Variants in TACR3 observed in about 807,000 individuals in gnomAD.
The protein encoded by TACR3 is neuromedin-K receptor.
In TACR3, 34 loss-of-function variants were observed where a neutral mutation model predicts 35.0. That is an observed-to-expected ratio of 0.97 (90% CI 0.74 to 1.30). The LOEUF (loss-of-function observed/expected upper bound fraction) is 1.30, where lower values mean the gene tolerates loss of function less well. TACR3 is among the 50% of genes most tolerant of loss of function. The probability of loss-of-function intolerance (pLI) is 0.00; values close to 1 mark genes in which losing one functional copy is unlikely to be tolerated. For missense variants in TACR3, 558 were observed against 591.7 expected (o/e 0.94, Z 0.59); for synonymous variants, 233 against 221.1 (o/e 1.05, Z -0.48).
intron 1 of TACR3, among the ~76,000 whole-genome samples, chr4:103,698,925 A>G (rs1033192513): frequency 6.6e-6 from 1 of 152,176 alleles, no homozygotes; most frequent in African/African-American, 2.4e-5. Context: ...AATATGTATA[A>G]TTATTAGGTA....
intron 3 of TACR3, among the ~76,000 whole-genome samples, chr4:103,633,901 T>C (rs2110313839): frequency 6.6e-6 from 1 of 152,208 alleles, no homozygotes; most frequent in Non-Finnish European, 1.5e-5. Context: ...AAAGCAAGTC[T>C]TTCAAAATAG....
intron 1 of TACR3, among the ~76,000 whole-genome samples, chr4:103,687,145 C>A (rs1313954763): frequency 6.6e-6 from 1 of 151,978 alleles, no homozygotes; most frequent in Non-Finnish European, 1.5e-5. Context: ...AAGACAAAAA[C>A]CACATGATTA....
At chr4:103,635,776 G>C (rs1420382228) in intron 3 of TACR3, among the ~76,000 whole-genome samples, 1 of 112,852 alleles carries the variant, frequency 8.9e-6, no homozygotes, top group African/African-American at 6.1e-5. Context: ...GAATTTAGAG[G>C]TAGCTCTTAT....
At chr4:103,640,585 T>C (rs1725333569) in intron 3 of TACR3, among the ~76,000 whole-genome samples, 1 of 152,032 alleles carries the variant, frequency 6.6e-6, no homozygotes, top group Admixed American at 6.6e-5. Context: ...ATAAGATGTA[T>C]GGTTTACAAA....
chr4:103,595,712 C>CTT (rs201151369), intron 3 of TACR3, among the ~76,000 whole-genome samples: 1 of 146,162 alleles, frequency 6.8e-6, no homozygotes, highest in African/African-American at 2.5e-5. Context: ...GGGTCATATT[C>CTT]TTTTTTTTTT....
At chr4:103,672,435 C>T (rs906540931) in intron 1 of TACR3, among the ~76,000 whole-genome samples, 2 of 152,146 alleles carry the variant, frequency 1.3e-5, no homozygotes, top group African/African-American at 4.8e-5. Flanking sequence ...TGTCAGCAGA[C>T]ATGAAAACAA....
chr4:103,691,970 T>C (rs76186172), intron 1 of TACR3, among the ~76,000 whole-genome samples: 4 of 152,326 alleles, frequency 2.6e-5, no homozygotes, highest in Non-Finnish European at 5.9e-5. Flanking sequence ...CTCTCAGCTC[T>C]GAAGGCTGTG....
At position 103,640,004 on chromosome 4, in the gene TACR3, A is replaced by T. The variant is rs1725316221; in HGVS notation, c.888+16190T>A. On this transcript the variant is annotated intron_variant, in intron 3 of 4. Transcript: ENST00000304883. ...TTTATATTTGTTTCATGAATAGGGC[A>T]AAGTAAGTGAAGATTGGATTTGCAT... 2.0e-5 allele frequency among the ~76,000 whole-genome samples: 3 copies of T among 152,166 alleles called. No homozygotes were observed. The South Asian group carries it at 6.2e-4, about 32-fold the overall frequency.
chr4:103,665,843 A>G (rs1275903045), intron 1 of TACR3, among the ~76,000 whole-genome samples: 3 of 152,208 alleles, frequency 2.0e-5, no homozygotes, highest in Non-Finnish European at 4.4e-5. Context: ...AGTAAAAAAT[A>G]TACGTATGAT....
intron 1 of TACR3, among the ~76,000 whole-genome samples, chr4:103,717,275 A>T (rs531127072): frequency 6.6e-6 from 1 of 152,206 alleles, no homozygotes; most frequent in South Asian, 2.1e-4. Context: ...CTTTTAAATA[A>T]TAATTTTAAA....
At chr4:103,602,488 GCT>G (rs1179898618) in intron 3 of TACR3, among the ~76,000 whole-genome samples, 5 of 65,362 alleles carry the variant, frequency 7.6e-5, no homozygotes, top group Admixed American at 7.6e-4. Flanking sequence ...CAGTTTTTCT[GCT>G]CTTTTTTTTT....
chr4:103,644,218 A>G (rs1271549709), intron 3 of TACR3, among the ~76,000 whole-genome samples: 1 of 151,730 alleles, frequency 6.6e-6, no homozygotes, highest in Non-Finnish European at 1.5e-5. Flanking sequence ...TGCAAGTCGT[A>G]CCATGAGGTG....
chr4:103,605,845 A>C (rs1724343941), intron 3 of TACR3, among the ~76,000 whole-genome samples: 1 of 151,882 alleles, frequency 6.6e-6, no homozygotes, highest in African/African-American at 2.4e-5. Context: ...CCCATTTGTC[A>C]ATTTTGTCTT....
At chr4:103,677,714 G>A (rs1245477668) in intron 1 of TACR3, among the ~76,000 whole-genome samples, 1 of 152,116 alleles carries the variant, frequency 6.6e-6, no homozygotes, top group Non-Finnish European at 1.5e-5. Context: ...GGAGTGTGGA[G>A]GGTGGGAGGA....
In TACR3 at chr4:103,661,411, A is replaced by G. The variant is rs570022384; in HGVS notation, c.549-3008T>C. 5.3e-5 allele frequency among the ~76,000 whole-genome samples: 8 copies of G among 152,274 alleles called. No individual in the cohort carries two copies. In the East Asian group the frequency reaches 1.5e-3, roughly 29 times the overall value. Reference sequence around the variant, plus strand: ...GTGTTTCAAAGCCAAGCACCTGTCAATAAATTTGTTGTACTGAACTGAATA... The same window carrying G: ...GTGTTTCAAAGCCAAGCACCTGTCAGTAAATTTGTTGTACTGAACTGAATA... On this transcript the variant is annotated intron_variant, in intron 1 of 4. Coordinates refer to ENST00000304883, the MANE Select transcript of TACR3 (RefSeq NM_001059.3).
chr4:103,592,736 C>G (rs1056848285), intron 3 of TACR3, among the ~76,000 whole-genome samples: 1 of 152,136 alleles, frequency 6.6e-6, no homozygotes. Context: ...TGAGGCACCT[C>G]AGAACTAGGA....
Position 103,611,344 on chromosome 4 carries a change from G to GGTTAA in TACR3, c.889-19666_889-19662dup, listed in dbSNP as rs879578778. ...TATTGTAGAGATCTTCCATCTCCTC[G>GGTTAA]GTTAAGTTTAGTCCTAGTTACTTTA... On this transcript the variant is annotated intron_variant, in intron 3 of 4. Coordinates refer to ENST00000304883, the MANE Select transcript of TACR3 (RefSeq NM_001059.3). Among the ~76,000 whole-genome samples the GGTTAA allele has an allele frequency of 6.6e-5, 10 of 152,142 alleles. No individual in the cohort carries two copies. In the South Asian group the frequency reaches 2.1e-3, roughly 32 times the overall value.
chr4:103,600,431 T>C (rs1724168008), intron 3 of TACR3, among the ~76,000 whole-genome samples: 1 of 152,194 alleles, frequency 6.6e-6, no homozygotes, highest in African/African-American at 2.4e-5. Context: ...CATTAATCTT[T>C]TGAAGGGTTT....
Position 103,606,623 on chromosome 4 carries a change from G to C in TACR3, c.889-14940C>G, listed in dbSNP as rs367889759. On this transcript the variant is annotated intron_variant, in intron 3 of 4. Transcript: ENST00000304883. ...GAGTTCACTCATGATTTGGCTCTCT[G>C]TCTGTTGTTGGTGTATAAGAATGCT... Among the ~76,000 whole-genome samples the C allele has an allele frequency of 3.3e-5, 5 of 152,200 alleles. No homozygotes were observed. The East Asian group carries it at 7.7e-4, about 23-fold the overall frequency.
Sources: allele counts gnomAD v4.1 joint callset (sites outside exome capture counted in the v4.1 genomes callset), GRCh38; gene constraint gnomAD v4.1.1; transcripts MANE v1.5; gene names NCBI Gene and HGNC (gene_info 2026-07-23, HGNC 2026-07-21).